NR3C2: variants seen among roughly 807,000 people sequenced by gnomAD.
NR3C2 encodes nuclear receptor subfamily 3 group C member 2.
Under a neutral mutation model 86.4 loss-of-function variants are expected in NR3C2, and 15 were observed. That is an observed-to-expected ratio of 0.17 (90% CI 0.12 to 0.27). The LOEUF (loss-of-function observed/expected upper bound fraction) is 0.27. Ranked by LOEUF, NR3C2 falls within the 10% of genes least tolerant of loss-of-function variation. The pLI, the probability that NR3C2 is intolerant of heterozygous loss-of-function variation, is 1.00. For missense variants in NR3C2, 960 were observed against 1,195.6 expected (o/e 0.80, Z 2.91); for synonymous variants, 458 against 450.5 (o/e 1.02, Z -0.21).
At chr4:148,171,928 A>G (rs546431740) in intron 4 of NR3C2, among the ~76,000 whole-genome samples, 1 of 152,308 alleles carries the variant, frequency 6.6e-6, no homozygotes, top group African/African-American at 2.4e-5. Context: ...AAATCAGTAC[A>G]GATTCCTGAC....
intron 2 of NR3C2, among the ~76,000 whole-genome samples, chr4:148,319,721 T>C (rs1031472336): frequency 6.6e-6 from 1 of 151,122 alleles, no homozygotes; most frequent in South Asian, 2.1e-4. Context: ...TTTTGTACAT[T>C]GATTTTGTAT....
chr4:148,301,223 A>T (rs1321400137), intron 2 of NR3C2, among the ~76,000 whole-genome samples: 1 of 151,998 alleles, frequency 6.6e-6, no homozygotes, highest in Non-Finnish European at 1.5e-5. Flanking sequence ...AATGTCTATT[A>T]AAAAAAAGAG....
intron 6 of NR3C2, among the ~76,000 whole-genome samples, chr4:148,121,719 T>C (rs2149734715): frequency 6.6e-6 from 1 of 152,318 alleles, no homozygotes; most frequent in South Asian, 2.1e-4. Flanking sequence ...TTTATGTAAA[T>C]TTGAAATTAG....
intron 3 of NR3C2, among the ~76,000 whole-genome samples, chr4:148,205,016 A>G (rs1736931414): frequency 6.6e-6 from 1 of 152,224 alleles, no homozygotes; most frequent in Non-Finnish European, 1.5e-5. Flanking sequence ...TGAGGCCAGG[A>G]TAGAGAGAAG....
rs150014486 is a variant in NR3C2, at chr4:148,128,161, C to T, written c.2511-7873G>A. 1.2e-3 allele frequency among the ~76,000 whole-genome samples: 178 copies of T among 152,200 alleles called. 1 individual carries two copies. Among genetic ancestry groups the T allele is most frequent in the African/African-American group, 3.9e-3 (160 of 41,526 alleles). ...TGCTGGCTGCCTGCTTTTAACTGAG[C>T]ACCTAAACAATCTGAACAACTGTTT... On this transcript the variant is annotated intron_variant, in intron 6 of 8. Transcript: ENST00000358102.
At chr4:148,143,993 G>A (rs1333965996) in intron 6 of NR3C2, among the ~76,000 whole-genome samples, 1 of 148,848 alleles carries the variant, frequency 6.7e-6, no homozygotes, top group South Asian at 2.1e-4. Flanking sequence ...AACTGAGTTA[G>A]GAAGTGTCCC....
intron 6 of NR3C2, among the ~76,000 whole-genome samples, chr4:148,128,538 G>C (rs903700485): frequency 6.6e-6 from 1 of 152,106 alleles, no homozygotes; most frequent in African/African-American, 2.4e-5. Context: ...CACTTCATGC[G>C]GTGGCCATCC....
intron 4 of NR3C2, among the ~76,000 whole-genome samples, chr4:148,161,809 A>T (rs1734674878): frequency 6.6e-6 from 1 of 152,242 alleles, no homozygotes; most frequent in African/African-American, 2.4e-5. Context: ...ATAAGAGATT[A>T]CAATCTTAGG....
intron 3 of NR3C2, among the ~76,000 whole-genome samples, chr4:148,249,491 C>T (rs544764207): frequency 6.6e-6 from 1 of 152,096 alleles, no homozygotes; most frequent in African/African-American, 2.4e-5. Flanking sequence ...GTTATGATGC[C>T]CTCCTAGATT....
chr4:148,132,949 A>G (rs866866378), intron 6 of NR3C2, among the ~76,000 whole-genome samples: 1 of 152,362 alleles, frequency 6.6e-6, no homozygotes, highest in Middle Eastern at 3.4e-3. Context: ...CTGTAATCCC[A>G]GCACTTTGGG....
At chr4:148,391,079 C>T (rs1005192748) in intron 2 of NR3C2, among the ~76,000 whole-genome samples, 2 of 152,166 alleles carry the variant, frequency 1.3e-5, no homozygotes, top group Non-Finnish European at 2.9e-5. Context: ...TTTTAATATG[C>T]TTTCCCATAG....
At position 148,080,227 on chromosome 4, in the gene NR3C2, C is replaced by T. The variant is rs905315626; in HGVS notation, c.*1117G>A. Reference sequence around the variant, plus strand: ...GCAGGATGAAGCAGAAGCCAGAAAACGTGCTGGAGTCCCACAAATGCCCCA... The same window carrying T: ...GCAGGATGAAGCAGAAGCCAGAAAATGTGCTGGAGTCCCACAAATGCCCCA... On this transcript the variant is annotated 3_prime_UTR_variant, in exon 9 of 9. Coordinates refer to ENST00000358102, the MANE Select transcript of NR3C2 (RefSeq NM_000901.5). The T allele has an allele frequency of 3.3e-5, 5 of 152,416 alleles. No homozygotes were observed. Among genetic ancestry groups the T allele is most frequent in the Admixed American group, 1.3e-4 (2 of 15,276 alleles). 9.4% of individuals were successfully genotyped at this position (152,416 alleles called of 1,614,324 possible).
chr4:148,382,469 C>T (rs1747048242), intron 2 of NR3C2, among the ~76,000 whole-genome samples: 1 of 152,156 alleles, frequency 6.6e-6, no homozygotes, highest in Admixed American at 6.5e-5. Flanking sequence ...GCTCACAAAA[C>T]CAACCAGTAA....
rs1019974289 is a variant in NR3C2, at chr4:148,244,194, T to C, written c.1897+15784A>G. On this transcript the variant is annotated intron_variant, in intron 3 of 8. Coordinates refer to ENST00000358102, the MANE Select transcript of NR3C2 (RefSeq NM_000901.5). ...CACGAAAGCCATCCTCAGTAAACAG[T>C]GCGCCCTTTATCTTAGTGTACATAT... 2.0e-5 allele frequency among the ~76,000 whole-genome samples: 3 copies of C among 152,308 alleles called. No individual in the cohort carries two copies. The South Asian group carries it at 6.2e-4, about 32-fold the overall frequency.
chr4:148,095,485 T>C (rs1397661023), intron 8 of NR3C2, among the ~76,000 whole-genome samples: 2 of 152,198 alleles, frequency 1.3e-5, no homozygotes, highest in Non-Finnish European at 2.9e-5. Context: ...CTCAGCTGAG[T>C]GTTCCTGGCA....
intron 2 of NR3C2, among the ~76,000 whole-genome samples, chr4:148,424,614 T>G (rs2126618336): frequency 6.6e-6 from 1 of 151,824 alleles, no homozygotes; most frequent in African/African-American, 2.4e-5. Flanking sequence ...AAACAGAAAC[T>G]ACTGAAATAA....
chr4:148,142,323 C>T (rs1733650382), intron 6 of NR3C2, among the ~76,000 whole-genome samples: 1 of 152,076 alleles, frequency 6.6e-6, no homozygotes, highest in South Asian at 2.1e-4. Flanking sequence ...GATCGAATGG[C>T]GACGGAAGTG....
At chr4:148,175,456 C>T (rs569023187) in intron 4 of NR3C2, among the ~76,000 whole-genome samples, 19 of 152,320 alleles carry the variant, frequency 1.2e-4, no homozygotes, top group African/African-American at 4.6e-4. Flanking sequence ...GGCTTACTTA[C>T]AGCCTAGACG....
intron 2 of NR3C2, among the ~76,000 whole-genome samples, chr4:148,352,408 CT>C: frequency 6.6e-6 from 1 of 151,976 alleles, no homozygotes; most frequent in African/African-American, 2.4e-5. Context: ...ATCTATCTAT[CT>C]ATCTATCTAT....
Sources: gnomAD v4.1 joint callset for allele counts (sites outside exome capture counted in the v4.1 genomes callset) on GRCh38, gnomAD v4.1.1 for gene constraint, MANE v1.5 for transcripts, NCBI Gene and HGNC (gene_info 2026-07-23, HGNC 2026-07-21) for gene names.